HAUS8: variants seen among roughly 807,000 people sequenced by gnomAD.
HAUS8 encodes HAUS augmin like complex subunit 8.
HAUS8 carries 38 observed loss-of-function variants against 42.9 expected under a neutral mutation model. The observed-to-expected ratio is 0.89, with a 90% CI of 0.68 to 1.16. The LOEUF (loss-of-function observed/expected upper bound fraction) is 1.16, where lower values mean the gene tolerates loss of function less well. HAUS8 is among the 50% of genes most tolerant of loss of function. The probability of loss-of-function intolerance (pLI) is 0.00; values close to 1 mark genes in which losing one functional copy is unlikely to be tolerated. For synonymous variants in HAUS8, 199 were observed against 205.8 expected (o/e 0.97, Z 0.28); for missense variants, 494 against 511.6 (o/e 0.97, Z 0.33).
intron 4 of HAUS8, among the ~76,000 whole-genome samples, chr19:17,061,780 G>A (rs2057362323): frequency 6.6e-6 from 1 of 152,170 alleles, no homozygotes; most frequent in African/African-American, 2.4e-5. Context: ...TTCCCTGGGG[G>A]TCAGAATCGC....
chr19:17,069,219 A>G, intron 2 of HAUS8, 133 bp from the exon 3 acceptor site: 4 of 751,540 alleles, frequency 5.3e-6, no homozygotes, highest in Non-Finnish European at 9.4e-6. Flanking sequence ...GGAGGTCACC[A>G]CTCCTCCTGC....
intron 9 of HAUS8, 131 bp from the exon 10 acceptor site, chr19:17,053,097 G>A: frequency 1.0e-6 from 1 of 995,504 alleles, no homozygotes; most frequent in Non-Finnish European, 1.5e-6. Flanking sequence ...AGCGCACAGG[G>A]AAGAAGCAGA....
At position 17,058,679 on chromosome 19, in the gene HAUS8, C is replaced by T; in HGVS notation, c.515G>A (p.Arg172Lys). ...KMENNLAEFE[R>K]RAEKNLLIMC... is the part of the protein sequence containing the mutation. ...TATTAATAAATTCTTTTCTGCCCTT[C>T]TTTCAAACTCAGCAAGATTGTTCTC... is the stretch of plus-strand genomic sequence containing the variant. Residue 172 changes from arginine (R) to lysine (K), a missense_variant, in exon 8 of 11, where the codon AGA becomes AAA. Physicochemically the swap from Arg to Lys is conservative, Grantham distance 26. Coordinates refer to ENST00000253669, the MANE Select transcript of HAUS8 (RefSeq NM_033417.2). 6.2e-7 allele frequency: 1 copy of T among 1,610,082 alleles called. No individual in the cohort carries two copies. Among genetic ancestry groups the T allele is most frequent in the Non-Finnish European group, 8.5e-7 (1 of 1,178,906 alleles).
chr19:17,053,013 C>A (rs368608943), intron 9 of HAUS8, 47 bp from the exon 10 acceptor site: 74 of 1,612,378 alleles, frequency 4.6e-5, no homozygotes, highest in Non-Finnish European at 5.9e-5. Flanking sequence ...AGGTGCCCCA[C>A]GCAAGGCACA....
chr19:17,062,550 C>A (rs2057366923), intron 4 of HAUS8, 148 bp downstream of exon 4: 1 of 643,426 alleles, frequency 1.6e-6, no homozygotes, highest in Admixed American at 2.5e-5. Context: ...TCCCCACATC[C>A]CCCCAGTCTG....
chr19:17,050,129 G>C lies in HAUS8; in HGVS notation c.977C>G (p.Ala326Gly), dbSNP rs61734359. The C allele has an allele frequency of 5.5e-4, 860 of 1,562,974 alleles. 10 individuals carry two copies. The highest frequency in any genetic ancestry group is 1.3e-4 in the Non-Finnish European group (150 of 1,153,930). ...CCAGACTTCCTGGTTTGCCAAGGCTGCCTCTTTGCTTGCCTCTGCGGAGAG... is the reference window on the plus strand; with the variant it reads ...CCAGACTTCCTGGTTTGCCAAGGCTCCCTCTTTGCTTGCCTCTGCGGAGAG... ...LELSAEASKE[A>G]ALANQEVWEE... is the part of the protein sequence containing the mutation. Residue 326 changes from alanine (A) to glycine (G), a missense_variant, in exon 11 of 11, where the codon GCA (alanine) becomes GGA (glycine). By Grantham distance (60) the Ala-to-Gly change is moderately conservative. Coordinates refer to ENST00000253669, the MANE Select transcript of HAUS8 (RefSeq NM_033417.2).
At chr19:17,069,390 A>G (rs943629248) in intron 2 of HAUS8, among the ~76,000 whole-genome samples, 2 of 151,544 alleles carry the variant, frequency 1.3e-5, no homozygotes, top group African/African-American at 4.9e-5. Flanking sequence ...AGCGGGAGGG[A>G]AAGAAGAAAG....
chr19:17,056,172 C>T (rs996325063), intron 8 of HAUS8, among the ~76,000 whole-genome samples, 170 bp from the exon 9 acceptor site: 1 of 152,176 alleles, frequency 6.6e-6, no homozygotes, highest in African/African-American at 2.4e-5. Context: ...CCCAAGAGAG[C>T]CAAGTGGATG....
At chr19:17,068,356 C>T (rs985170983) in intron 3 of HAUS8, among the ~76,000 whole-genome samples, 3 of 152,028 alleles carry the variant, frequency 2.0e-5, no homozygotes, top group Non-Finnish European at 2.9e-5. Flanking sequence ...TCAAGTGATC[C>T]GCCCACCTCG....
chr19:17,052,992 G>A (rs1458780619), intron 9 of HAUS8, 26 bp from the exon 10 acceptor site: 13 of 1,613,830 alleles, frequency 8.1e-6, no homozygotes, highest in Admixed American at 3.3e-5. Flanking sequence ...GATGGTGGGC[G>A]ATGGATGGCA....
In HAUS8 at chr19:17,069,881, C is replaced by T. The variant is rs528925471; in HGVS notation, c.92-795G>A. Among the ~76,000 whole-genome samples the T allele has an allele frequency of 3.9e-5, 6 of 152,198 alleles. No individual in the cohort carries two copies. The South Asian group carries it at 6.2e-4, about 16-fold the overall frequency. On this transcript the variant is annotated intron_variant, in intron 2 of 10. Transcript: ENST00000253669. ...AGACCCTCCCGCCACCACATCCAGC[C>T]ACCTCCAGTCCTGATGGCTGCATTC...
chr19:17,075,286 G>A (rs1386673860), intron 1 of HAUS8, 108 bp downstream of exon 1: 38 of 1,240,804 alleles, frequency 3.1e-5, no homozygotes, highest in Non-Finnish European at 4.5e-5. Context: ...GTTCCTGGCG[G>A]GGTCGAACCC....
chr19:17,062,713 G>A lies in HAUS8; in HGVS notation c.214C>T (p.Leu72Phe), dbSNP rs1289638623. The A allele has an allele frequency of 1.2e-6, 2 of 1,614,108 alleles. No individual in the cohort carries two copies. The highest frequency in any genetic ancestry group is 1.7e-6 in the Non-Finnish European group (2 of 1,179,952). ...TGTTTCGCACCTTTGCTTTTCTGGA[G>A]CAGGCTGGATTTCCTTCCACCTTCA... ...MSEGGRKSSLLQKSKADSSGV... is the reference protein window; with the variant it reads ...MSEGGRKSSLFQKSKADSSGV... Residue 72 changes from leucine (L) to phenylalanine (F), a missense_variant, in exon 4 of 11, where the codon CTC becomes TTC. Coordinates refer to ENST00000253669, the MANE Select transcript of HAUS8 (RefSeq NM_033417.2).
Position 17,050,124 on chromosome 19 carries a change from A to G in HAUS8, c.982T>C (p.Leu328=). The stretch of plus-strand genomic sequence containing the variant: ...TCTTCCCAGACTTCCTGGTTTGCCA[A>G]GGCTGCCTCTTTGCTTGCCTCTGCG... ...LSAEASKEAA[L]ANQEVWEETQ... Residue 328 remains leucine (L), a synonymous_variant, in exon 11 of 11, where the codon TTG becomes CTG. Coordinates refer to ENST00000253669, the MANE Select transcript of HAUS8 (RefSeq NM_033417.2). 1 of 1,567,164 alleles carries G rather than the reference A, an allele frequency of 6.4e-7. No individual in the cohort carries two copies. The highest frequency in any genetic ancestry group is 1.4e-5 in the African/African-American group (1 of 73,264).
intron 10 of HAUS8, chr19:17,051,970 G>A (rs1405075538): frequency 6.6e-6 from 1 of 151,912 alleles, no homozygotes; most frequent in Non-Finnish European, 1.5e-5. Flanking sequence ...GTGAAACACT[G>A]TCTCTACTAA....
chr19:17,068,099 C>CT (rs889723027), intron 3 of HAUS8, among the ~76,000 whole-genome samples: 3,412 of 93,484 alleles, frequency 0.036, 128 homozygotes, highest in African/African-American at 0.051. Flanking sequence ...TTATTTTATT[C>CT]TTTTTTTTTT....
intron 3 of HAUS8, among the ~76,000 whole-genome samples, chr19:17,063,290 G>A (rs936968681): frequency 2.6e-5 from 4 of 152,120 alleles, no homozygotes; most frequent in Non-Finnish European, 4.4e-5. Context: ...CGGGTCCAGG[G>A]GTTTGAGGCT....
rs889723027 is a variant in HAUS8 at position 17,068,099 on chromosome 19, C to CTT, written c.147+930_147+931dup. Among the ~76,000 whole-genome samples, 496 of 93,472 alleles carry CTT rather than the reference C, an allele frequency of 5.3e-3. 19 individuals carry two copies. Among genetic ancestry groups the CTT allele is most frequent in the African/African-American group, 0.013 (313 of 23,316 alleles). 61.3% of individuals were successfully genotyped at this position (93,472 alleles called of 152,430 possible). Reference sequence around the variant, plus strand: ...TAAAAACCTGTTTTTTTATTTTATTCTTTTTTTTTTTTTTTTTTTTTTTTG... The same window carrying CTT: ...TAAAAACCTGTTTTTTTATTTTATTCTTTTTTTTTTTTTTTTTTTTTTTTTTG... On this transcript the variant is annotated intron_variant, in intron 3 of 10. Coordinates refer to ENST00000253669, the MANE Select transcript of HAUS8 (RefSeq NM_033417.2).
chr19:17,066,871 C>T (rs982642163), intron 3 of HAUS8, among the ~76,000 whole-genome samples: 1 of 152,152 alleles, frequency 6.6e-6, no homozygotes, highest in African/African-American at 2.4e-5. Flanking sequence ...CAGATGAACA[C>T]AACGTGGTCC....
Sources: gnomAD v4.1 joint callset for allele counts (sites outside exome capture counted in the v4.1 genomes callset) on GRCh38, gnomAD v4.1.1 for gene constraint, MANE v1.5 for transcripts, NCBI Gene and HGNC (gene_info 2026-07-23, HGNC 2026-07-21) for gene names.